The following TLR3 variants were observed in gnomAD, a reference collection of about 807,000 sequenced individuals.
The protein encoded by TLR3 is toll like receptor 3, also known as toll-like receptor 3.
A neutral mutation model predicts 66.4 loss-of-function variants in TLR3; 43 were observed. The observed-to-expected ratio is 0.65, with a 90% CI of 0.51 to 0.83. The LOEUF is 0.83. Among genes scored for constraint, TLR3 ranks in the 40% least tolerant of loss-of-function variants. The pLI is 0.00. For synonymous variants in TLR3, 397 were observed against 397.2 expected, an observed-to-expected ratio of 1.00 and a Z score of 0.01; for missense variants, 982 against 1,044.6, an observed-to-expected ratio of 0.94 and a Z score of 0.83.
intron 3 of TLR3, among the ~76,000 whole-genome samples, chr4:186,080,256 A>G (rs1223629445): frequency 1.4e-4 from 21 of 152,096 alleles, no homozygotes. Flanking sequence ...GTTTTGTGCA[A>G]GCTCTTCATT....
chr4:186,082,659 A>T lies in TLR3; in HGVS notation c.973A>T (p.Arg325Trp). 1.2e-6 allele frequency: 2 copies of T among 1,613,842 alleles called. No individual in the cohort carries two copies. Among genetic ancestry groups the T allele is most frequent in the Non-Finnish European group, 8.5e-7 (1 of 1,179,772 alleles). ...CTCTTTGCACGGGCTTTTCAATGTG[A>T]GGTACCTGAATTTGAAACGGTCTTT... Reference protein sequence around the residue: ...SHSLHGLFNVRYLNLKRSFTK... With the variant: ...SHSLHGLFNVWYLNLKRSFTK... The change falls in exon 4 of 5, where the codon AGG becomes TGG. Residue 325 changes from arginine to tryptophan, a missense_variant. Arg to Trp is a moderately radical substitution (Grantham distance 101, BLOSUM62 -3). Transcript: ENST00000296795.
chr4:186,078,449 A>G (rs2099302825), intron 2 of TLR3, among the ~76,000 whole-genome samples: 2 of 152,206 alleles, frequency 1.3e-5, no homozygotes, highest in Non-Finnish European at 2.9e-5. Flanking sequence ...TTTCAAGGTT[A>G]AAGCATGACA....
rs949883937 is a variant in TLR3 at position 186,085,787 on chromosome 4, C to A, written c.*914C>A. On this transcript the variant is annotated 3_prime_UTR_variant, in exon 5 of 5. Coordinates refer to ENST00000296795, the MANE Select transcript of TLR3 (RefSeq NM_003265.3). ...TATTCAAAGGAATGTATTATTTTAC[C>A]ATAAAATAATGTGCTACGCATAAGG... is the stretch of plus-strand genomic sequence containing the variant. 6.6e-6 allele frequency: 1 copy of A among 152,096 alleles called. No homozygotes were observed. The highest frequency in any genetic ancestry group is 1.5e-5 in the Non-Finnish European group (1 of 68,020). 9.4% of individuals were successfully genotyped at this position (152,096 alleles called of 1,614,324 possible).
rs543210170 is a variant in TLR3, at chr4:186,070,350, T to A, written c.-8+1102T>A. On this transcript the variant is annotated intron_variant, in intron 1 of 4. Transcript: ENST00000296795. ...TAGTTATTCAGATGGATGTGAAATT[T>A]CCCTATCTTATTTTATTTTATTTTA... 2.6e-5 allele frequency among the ~76,000 whole-genome samples: 4 copies of A among 152,240 alleles called. No individual in the cohort carries two copies. In the East Asian group the frequency reaches 5.8e-4, roughly 22 times the overall value.
chr4:186,086,064 ATGT>A lies in TLR3; in HGVS notation c.*1194_*1196del, dbSNP rs1271957143. ...TTTTTAGTAGAGATGGGGTTTCACC[ATGT>A]TGGCCAGGCTGGTCTTGAACTCCTG... On this transcript the variant is annotated 3_prime_UTR_variant, in exon 5 of 5. Transcript: ENST00000296795. The A allele has an allele frequency of 6.6e-6, 1 of 152,144 alleles. No individual in the cohort carries two copies. The highest frequency in any genetic ancestry group is 1.5e-5 in the Non-Finnish European group (1 of 68,048). 9.4% of individuals were successfully genotyped at this position (152,144 alleles called of 1,614,324 possible).
rs6830345 is a variant in TLR3, at chr4:186,084,222, T to C, written c.2486+50T>C. 1,203,601 of 1,554,888 alleles carry C rather than the reference T, an allele frequency of 0.77. 468,813 individuals carry two copies. The highest frequency in any genetic ancestry group is 0.92 in the East Asian group (40,641 of 44,398). On this transcript the variant is annotated intron_variant, in intron 4 of 4. Transcript: ENST00000296795. Reference sequence around the variant, plus strand: ...AGTGTGTACTTGCTTTTCAATTAAATTTCTTTTTTTTTTTTTGAGATGGAG... The same window carrying C: ...AGTGTGTACTTGCTTTTCAATTAAACTTCTTTTTTTTTTTTTGAGATGGAG...
At chr4:186,071,414 G>A (rs756413082) in intron 1 of TLR3, among the ~76,000 whole-genome samples, 7 of 152,248 alleles carry the variant, frequency 4.6e-5, no homozygotes, top group Admixed American at 4.6e-4. Flanking sequence ...GGTAAATAGA[G>A]ATAGGAAGTT....
intron 1 of TLR3, among the ~76,000 whole-genome samples, chr4:186,070,720 T>C (rs977456079): frequency 2.6e-5 from 4 of 152,166 alleles, no homozygotes; most frequent in African/African-American, 9.7e-5. Flanking sequence ...TCTTGTTTTT[T>C]AGAGGTAAGG....
rs73025939 is a variant in TLR3, at chr4:186,083,613, C to T, written c.1927C>T (p.Arg643Cys). The T allele has an allele frequency of 9.7e-5, 156 of 1,605,604 alleles. No homozygotes were observed. The highest frequency in any genetic ancestry group is 1.2e-4 in the Non-Finnish European group (144 of 1,176,670). ...CAGGAACCTGACTGAGTTAGATATG[C>T]GCTTTAATCCCTTTGATTGCACGTG... The part of the protein sequence containing the change: ...AFRNLTELDM[R>C]FNPFDCTCES... Residue 643 changes from arginine (R) to cysteine (C), a missense_variant, in exon 4 of 5, where the codon CGC becomes TGC. Arg to Cys is a radical substitution (Grantham distance 180). Transcript: ENST00000296795. This position sits in a 1 kb window ranked among gnomAD's most constrained non-coding sequence, Gnocchi z 4.0.
chr4:186,069,826 T>G (rs1247339273), intron 1 of TLR3, among the ~76,000 whole-genome samples: 2 of 152,196 alleles, frequency 1.3e-5, no homozygotes, highest in Non-Finnish European at 2.9e-5. Flanking sequence ...GATCAGAAAC[T>G]GGTATCGGCA....
intron 1 of TLR3, among the ~76,000 whole-genome samples, chr4:186,075,279 T>G (rs1200693451): frequency 6.6e-6 from 1 of 152,202 alleles, no homozygotes; most frequent in Non-Finnish European, 1.5e-5. Flanking sequence ...GATAAGAATT[T>G]TTCAGTTCCA....
At chr4:186,074,572 T>A (rs998386073) in intron 1 of TLR3, among the ~76,000 whole-genome samples, 1 of 152,202 alleles carries the variant, frequency 6.6e-6, no homozygotes, top group African/African-American at 2.4e-5. Flanking sequence ...CTGCAGACTT[T>A]ATGAACACTG....
rs766617165 is a variant in TLR3 at position 186,078,833 on chromosome 4, C to G, written c.442-7C>G. 8.7e-6 allele frequency: 14 copies of G among 1,612,280 alleles called. No individual in the cohort carries two copies. In the East Asian group the frequency reaches 3.1e-4, roughly 36 times the overall value. ...TCTAACATATGCATATTATTTTTTC[C>G]CTTCAGAATTTAATCACATTAGATC... On this transcript the variant is annotated splice_polypyrimidine_tract_variant and splice_region_variant and intron_variant, in intron 2 of 4. Coordinates refer to ENST00000296795, the MANE Select transcript of TLR3 (RefSeq NM_003265.3).
chr4:186,081,757 T>C (rs35706535), intron 3 of TLR3: 3,685 of 155,070 alleles, frequency 0.024, 67 homozygotes, highest in Non-Finnish European at 0.037. Context: ...AAAGGTGGCA[T>C]CTAAGCTGAG....
At chr4:186,078,550 T>C (rs1030352368) in intron 2 of TLR3, among the ~76,000 whole-genome samples, 2 of 152,226 alleles carry the variant, frequency 1.3e-5, no homozygotes, top group African/African-American at 2.4e-5. Flanking sequence ...GTTCCTTATA[T>C]CATAAATAAG....
rs527685805 is a variant in TLR3 at position 186,087,580 on chromosome 4, T to A, written c.*2707T>A. 6.6e-6 allele frequency: 1 copy of A among 152,336 alleles called. No homozygotes were observed. Among genetic ancestry groups the A allele is most frequent in the East Asian group, 1.9e-4 (1 of 5,190 alleles). 9.4% of individuals were successfully genotyped at this position (152,336 alleles called of 1,614,324 possible). On this transcript the variant is annotated 3_prime_UTR_variant, in exon 5 of 5. Coordinates refer to ENST00000296795, the MANE Select transcript of TLR3 (RefSeq NM_003265.3). ...AAACAAAACCCAACTGAATCGACAC[T>A]GAGTTTAAAATAAATCTTGGTATTT... is the stretch of plus-strand genomic sequence containing the variant.
chr4:186,080,586 A>G (rs994363516), intron 3 of TLR3, among the ~76,000 whole-genome samples: 3 of 151,756 alleles, frequency 2.0e-5, no homozygotes, highest in Non-Finnish European at 2.9e-5. Context: ...ATTTTATTTT[A>G]TTTTATTTTA....
At chr4:186,073,313 A>T (rs1231043027) in intron 1 of TLR3, among the ~76,000 whole-genome samples, 1 of 152,150 alleles carries the variant, frequency 6.6e-6, no homozygotes, top group Non-Finnish European at 1.5e-5. Context: ...TGAGGTCAGG[A>T]GTTCAAGACC....
At chr4:186,069,600 G>C (rs1436836519) in intron 1 of TLR3, among the ~76,000 whole-genome samples, 1 of 152,124 alleles carries the variant, frequency 6.6e-6, no homozygotes, top group African/African-American at 2.4e-5. Flanking sequence ...TCACATCTTT[G>C]CCTTAAAGAA....
Sources: gnomAD v4.1 joint callset for allele counts (sites outside exome capture counted in the v4.1 genomes callset) on GRCh38, gnomAD v4.1.1 for gene constraint, Gnocchi (gnomAD v3.1) non-coding constraint, MANE v1.5 for transcripts, NCBI Gene and HGNC (gene_info 2026-07-23, HGNC 2026-07-21) for gene names.